Variants in CNTNAP5 observed in about 807,000 individuals in gnomAD.
CNTNAP5 encodes the protein contactin associated protein family member 5.
A neutral mutation model predicts 150.2 loss-of-function variants in CNTNAP5; 72 were observed. That is an observed-to-expected ratio of 0.48 (90% CI 0.40 to 0.58). The LOEUF is 0.58. Ranked by LOEUF, CNTNAP5 falls within the 20% of genes least tolerant of loss-of-function variation. The pLI is 0.00. For missense variants in CNTNAP5, 1,636 were observed against 1,626.2 expected (o/e 1.01, Z -0.10); for synonymous variants, 672 against 619.8 (o/e 1.08, Z -1.25).
intron 19 of CNTNAP5, among the ~76,000 whole-genome samples, chr2:124,844,973 T>C (rs1404642750): frequency 6.6e-6 from 1 of 152,138 alleles, no homozygotes; most frequent in Non-Finnish European, 1.5e-5. Flanking sequence ...CTTTATTTCT[T>C]TCTCTTGTCT....
chr2:124,333,128 C>T (rs939307951), intron 3 of CNTNAP5, among the ~76,000 whole-genome samples: 7 of 151,964 alleles, frequency 4.6e-5, no homozygotes, highest in South Asian at 2.1e-4. Context: ...TGGAGCCTGG[C>T]GCTTTGGCTC....
intron 7 of CNTNAP5, among the ~76,000 whole-genome samples, chr2:124,492,586 G>C (rs773821803): frequency 2.6e-4 from 39 of 151,978 alleles, no homozygotes; most frequent in Admixed American, 1.3e-4. Context: ...ACAAATGTAA[G>C]GATTTTTTTA....
intron 19 of CNTNAP5, among the ~76,000 whole-genome samples, chr2:124,860,452 TTTCCTTCCTTCCTTCCTTCCTTCC>T (rs1184201565): frequency 6.2e-5 from 3 of 48,270 alleles, no homozygotes; most frequent in South Asian, 7.2e-4. Flanking sequence ...TCCTTCCTTC[TTTCCTTCCTTCCTTCCTTCCTTCC>T]TTCCTTCCTT....
At chr2:124,351,003 G>A (rs531542317) in intron 3 of CNTNAP5, among the ~76,000 whole-genome samples, 12 of 151,810 alleles carry the variant, frequency 7.9e-5, no homozygotes, top group Non-Finnish European at 1.5e-4. Flanking sequence ...AAAGAACTTC[G>A]ATTTACACTG....
intron 13 of CNTNAP5, among the ~76,000 whole-genome samples, chr2:124,699,746 A>T (rs1389448597): frequency 6.6e-6 from 1 of 152,020 alleles, no homozygotes; most frequent in Admixed American, 6.6e-5. Flanking sequence ...CTCTCCCACA[A>T]TTCTCAGTTT....
At chr2:124,205,779 A>ATTCTCTTT (rs951999007) in intron 1 of CNTNAP5, among the ~76,000 whole-genome samples, 3 of 152,138 alleles carry the variant, frequency 2.0e-5, no homozygotes, top group African/African-American at 7.2e-5. Flanking sequence ...TACAGAGAGA[A>ATTCTCTTT]TTCTCTTTTT....
intron 3 of CNTNAP5, among the ~76,000 whole-genome samples, chr2:124,411,478 A>C (rs1691762041): frequency 6.6e-6 from 1 of 151,650 alleles, no homozygotes; most frequent in South Asian, 2.1e-4. Flanking sequence ...AAAAATCCTC[A>C]ATAAAATACT....
At chr2:124,648,357 C>T (rs888284370) in intron 13 of CNTNAP5, among the ~76,000 whole-genome samples, 3 of 151,968 alleles carry the variant, frequency 2.0e-5, no homozygotes, top group African/African-American at 4.8e-5. Flanking sequence ...CTCAGCACAC[C>T]CACCCGAGAG....
chr2:124,893,002 G>A (rs1015452802), intron 21 of CNTNAP5, among the ~76,000 whole-genome samples: 32 of 152,092 alleles, frequency 2.1e-4, no homozygotes, highest in African/African-American at 7.0e-4. Context: ...TCTGGGATGG[G>A]CAAAGTTTGC....
At position 124,097,642 on chromosome 2, in the gene CNTNAP5, C is replaced by T. The variant is rs181578529; in HGVS notation, c.82+71910C>T. ...GTTTCCCTATGCTCTACTTGAAGAA[C>T]AGTAAAGACAGCCTCTGAAGCACAT... is the stretch of plus-strand genomic sequence containing the variant. On this transcript the variant is annotated intron_variant, in intron 1 of 23. Transcript: ENST00000682447. 9.2e-5 allele frequency among the ~76,000 whole-genome samples: 14 copies of T among 152,252 alleles called. 1 individual carries two copies. In the East Asian group the frequency reaches 2.7e-3, roughly 30 times the overall value.
chr2:124,034,196 C>A (rs1015515961), intron 1 of CNTNAP5, among the ~76,000 whole-genome samples: 2 of 152,204 alleles, frequency 1.3e-5, no homozygotes. Flanking sequence ...TCTGTGTATA[C>A]TAACATGCAC....
chr2:124,571,527 CTTTTTTTTTTT>C (rs1214169811), intron 11 of CNTNAP5, among the ~76,000 whole-genome samples: 3 of 46,850 alleles, frequency 6.4e-5, no homozygotes, highest in Non-Finnish European at 1.1e-4. Context: ...TTTCTTTTTT[CTTTTTTTTTTT>C]TTTTTTTTTT....
At chr2:124,481,554 C>T (rs961935301) in intron 7 of CNTNAP5, among the ~76,000 whole-genome samples, 1 of 151,994 alleles carries the variant, frequency 6.6e-6, no homozygotes, top group Non-Finnish European at 1.5e-5. Context: ...TGCAACCAGC[C>T]AGAGAGGAAA....
chr2:124,109,027 T>C (rs1225692875), intron 1 of CNTNAP5, among the ~76,000 whole-genome samples: 1 of 152,136 alleles, frequency 6.6e-6, no homozygotes, highest in Non-Finnish European at 1.5e-5. Context: ...GCATACATCC[T>C]GGGAGCAAGC....
chr2:124,600,199 T>A (rs76037384), intron 11 of CNTNAP5, among the ~76,000 whole-genome samples: 13,504 of 151,858 alleles, frequency 0.089, 666 homozygotes, highest in Middle Eastern at 0.11. Flanking sequence ...GTTTTTTTTT[T>A]ATTTTTATTT....
At chr2:124,427,909 C>A (rs1692278323) in intron 4 of CNTNAP5, among the ~76,000 whole-genome samples, 1 of 152,160 alleles carries the variant, frequency 6.6e-6, no homozygotes, top group Non-Finnish European at 1.5e-5. Flanking sequence ...GAGAAGGCTC[C>A]TTAACACACC....
chr2:124,857,202 T>A (rs948373294), intron 19 of CNTNAP5, among the ~76,000 whole-genome samples: 3 of 151,930 alleles, frequency 2.0e-5, no homozygotes, highest in Non-Finnish European at 2.9e-5. Context: ...AGCTCTACAT[T>A]TTTTTTTCTT....
At chr2:124,510,325 C>CTATATATATATATCTATA (rs1184644428) in intron 8 of CNTNAP5, among the ~76,000 whole-genome samples, 106 of 8,170 alleles carry the variant, frequency 0.013, no homozygotes, top group Non-Finnish European at 0.02. Flanking sequence ...ATATATCTAT[C>CTATATATATATATCTATA]TATATATATA....
rs10540154 is a variant in CNTNAP5 at position 124,619,908 on chromosome 2, CATATAT to C, written c.1876+10011_1876+10016del. 5.2e-3 allele frequency among the ~76,000 whole-genome samples: 597 copies of C among 115,480 alleles called. 14 individuals carry two copies. The highest frequency in any genetic ancestry group is 0.024 in the African/African-American group (529 of 21,864). The allele number at this position is 115,480 out of a possible 152,430, so 75.8% of individuals were successfully genotyped here. A position where few individuals can be genotyped will look rare whatever the true frequency, so the allele number is the denominator to read the frequency against. Reference sequence around the variant, plus strand: ...ATACTCCTTCTCTCACTGTCTCATTCATATATATATATATATATATATATATATGTA... The same window carrying C: ...ATACTCCTTCTCTCACTGTCTCATTCATATATATATATATATATATATGTA... On this transcript the variant is annotated intron_variant, in intron 12 of 23. Coordinates refer to ENST00000682447, the MANE Select transcript of CNTNAP5 (RefSeq NM_001367498.1).
Sources: gnomAD v4.1 joint callset for allele counts (sites outside exome capture counted in the v4.1 genomes callset) on GRCh38, gnomAD v4.1.1 for gene constraint, MANE v1.5 for transcripts, NCBI Gene and HGNC (gene_info 2026-07-23, HGNC 2026-07-21) for gene names.